Variants in MACROD2 observed in about 807,000 individuals in gnomAD.
MACROD2 encodes mono-ADP ribosylhydrolase 2, also known as ADP-ribose glycohydrolase MACROD2.
MACROD2 carries 36 observed loss-of-function variants against 70.4 expected under a neutral mutation model. The observed-to-expected ratio is 0.51, with a 90% CI of 0.39 to 0.68. MACROD2 has a LOEUF of 0.68. MACROD2 is among the 30% of genes least tolerant of loss of function. The pLI, the probability that MACROD2 is intolerant of heterozygous loss-of-function variation, is 0.00. For synonymous variants in MACROD2, 172 were observed against 178.8 expected, an observed-to-expected ratio of 0.96 and a Z score of 0.30; for missense variants, 496 against 538.4, an observed-to-expected ratio of 0.92 and a Z score of 0.78.
chr20:14,522,952 G>T (rs1032711334), intron 4 of MACROD2, among the ~76,000 whole-genome samples: 1 of 152,152 alleles, frequency 6.6e-6, no homozygotes. Flanking sequence ...AATGAATGAA[G>T]GAAGGAAATA....
At chr20:14,346,886 C>G (rs1251203058) in intron 3 of MACROD2, among the ~76,000 whole-genome samples, 2 of 152,162 alleles carry the variant, frequency 1.3e-5, no homozygotes, top group African/African-American at 4.8e-5. Context: ...TTACTATATT[C>G]TCTGTTTTTC....
rs566654005 is a variant in MACROD2, at chr20:14,596,716, G to A, written c.302-88127G>A. Among the ~76,000 whole-genome samples the A allele has an allele frequency of 1.1e-4, 17 of 152,184 alleles. No individual in the cohort carries two copies. The South Asian group carries it at 3.5e-3, about 32-fold the overall frequency. ...TCTGAAGAGCCAGTTTTGATTCCTT[G>A]ATATTACACCTGCTAGCTTGTGACT... On this transcript the variant is annotated intron_variant, in intron 4 of 17. Transcript: ENST00000684519.
intron 8 of MACROD2, among the ~76,000 whole-genome samples, chr20:15,596,066 A>C (rs2048742807): frequency 6.6e-6 from 1 of 152,262 alleles, no homozygotes; most frequent in Non-Finnish European, 1.5e-5. Flanking sequence ...TAGGAAGCTG[A>C]AGAACCATGA....
At chr20:15,286,396 A>G (rs2077491706) in intron 6 of MACROD2, among the ~76,000 whole-genome samples, 1 of 150,446 alleles carries the variant, frequency 6.6e-6, no homozygotes, top group East Asian at 1.9e-4. Context: ...GGTTTATCAT[A>G]TCATGTCTTT....
intron 8 of MACROD2, among the ~76,000 whole-genome samples, chr20:15,710,939 A>G (rs1004639585): frequency 6.6e-6 from 1 of 152,220 alleles, no homozygotes; most frequent in Non-Finnish European, 1.5e-5. Flanking sequence ...TCCTGAAGTC[A>G]TTTTATTTAT....
chr20:14,978,894 T>A (rs1460704791), intron 5 of MACROD2, among the ~76,000 whole-genome samples: 3 of 4,678 alleles, frequency 6.4e-4, no homozygotes, highest in Non-Finnish European at 1.3e-3. Flanking sequence ...AATATATATA[T>A]TATATAATAT....
In MACROD2 at chr20:15,717,485, A is replaced by G. The variant is rs559608603; in HGVS notation, c.646-145260A>G. 8.9e-4 allele frequency among the ~76,000 whole-genome samples: 135 copies of G among 152,352 alleles called. 1 individual carries two copies. The highest frequency in any genetic ancestry group is 1.6e-3 in the Non-Finnish European group (107 of 68,032). Reference sequence around the variant, plus strand: ...TAACATGATTGGGAAAATATAAAACATTAAATAGATTATGCCAGAAGTCTT... The same window carrying G: ...TAACATGATTGGGAAAATATAAAACGTTAAATAGATTATGCCAGAAGTCTT... On this transcript the variant is annotated intron_variant, in intron 8 of 17. Transcript: ENST00000684519.
intron 3 of MACROD2, among the ~76,000 whole-genome samples, chr20:14,335,942 A>T (rs1385631982): frequency 6.6e-6 from 1 of 152,180 alleles, no homozygotes; most frequent in African/African-American, 2.4e-5. Flanking sequence ...CTGGCATATT[A>T]TCATTAATAT....
intron 5 of MACROD2, among the ~76,000 whole-genome samples, chr20:14,891,141 T>A (rs1241504785): frequency 6.6e-6 from 1 of 152,108 alleles, no homozygotes; most frequent in African/African-American, 2.4e-5. Context: ...GTTGACAGTA[T>A]GATTTTAATG....
At chr20:14,820,929 G>A (rs555205229) in intron 5 of MACROD2, among the ~76,000 whole-genome samples, 6 of 152,122 alleles carry the variant, frequency 3.9e-5, no homozygotes, top group South Asian at 4.1e-4. Flanking sequence ...TGTGCGTTGC[G>A]TGGAAAGCCT....
intron 10 of MACROD2, among the ~76,000 whole-genome samples, chr20:15,894,613 C>G (rs2064941449): frequency 6.6e-6 from 1 of 152,076 alleles, no homozygotes; most frequent in African/African-American, 2.4e-5. Context: ...AGATGTGACC[C>G]CTCCTCTACA....
At chr20:14,480,628 T>C (rs2084652680) in intron 3 of MACROD2, among the ~76,000 whole-genome samples, 1 of 152,148 alleles carries the variant, frequency 6.6e-6, no homozygotes, top group Non-Finnish European at 1.5e-5. Context: ...TTAATATCAG[T>C]GCTTTTCAAT....
intron 5 of MACROD2, among the ~76,000 whole-genome samples, chr20:14,826,780 G>A (rs563523569): frequency 3.7e-4 from 56 of 152,162 alleles, no homozygotes; most frequent in African/African-American, 1.3e-3. Flanking sequence ...GTTGAAATGC[G>A]GATACACAAG....
intron 8 of MACROD2, among the ~76,000 whole-genome samples, chr20:15,548,643 C>G (rs768620350): frequency 6.6e-6 from 1 of 152,292 alleles, no homozygotes; most frequent in African/African-American, 2.4e-5. Flanking sequence ...ATCCACCCAC[C>G]TTGGCCTCCC....
At chr20:15,862,663 T>C (rs1036914486) in intron 8 of MACROD2, 82 bp from the exon 9 acceptor site, 17 of 1,107,292 alleles carry the variant, frequency 1.5e-5, no homozygotes, top group Non-Finnish European at 2.1e-5. Flanking sequence ...GCCTTTCCAT[T>C]TGTTTTTGTT....
intron 2 of MACROD2, among the ~76,000 whole-genome samples, chr20:14,062,651 G>T (rs796151182): frequency 2.6e-5 from 4 of 152,210 alleles, no homozygotes; most frequent in African/African-American, 9.6e-5. Context: ...TTATTTTACT[G>T]TTTAACTTAT....
intron 6 of MACROD2, among the ~76,000 whole-genome samples, chr20:15,299,606 C>G (rs910794820): frequency 5.9e-5 from 9 of 152,154 alleles, no homozygotes; most frequent in African/African-American, 2.2e-4. Flanking sequence ...GTTGTCTGGA[C>G]AAAGATTTAT....
In MACROD2 at chr20:15,548,126, CTATCTGGTCATTTAA is replaced by C. The variant is rs2048048836; in HGVS notation, c.645+48283_645+48297del. 2.0e-5 allele frequency among the ~76,000 whole-genome samples: 3 copies of C among 152,288 alleles called. No homozygotes were observed. The South Asian group carries it at 6.2e-4, about 32-fold the overall frequency. ...ATCCATCCACCATCCATCTGTCCAC[CTATCTGGTCATTTAA>C]TATTTCTTTTGGAAACAGTTTTGGA... On this transcript the variant is annotated intron_variant, in intron 8 of 17. Coordinates refer to ENST00000684519, the MANE Select transcript of MACROD2 (RefSeq NM_001351661.2).
intron 5 of MACROD2, chr20:14,884,463 T>G (rs1473575914): frequency 6.6e-6 from 1 of 152,148 alleles, no homozygotes; most frequent in Non-Finnish European, 1.5e-5. Context: ...GGTCATTGAT[T>G]CTTTGGATCC....
Sources: gnomAD v4.1 joint callset for allele counts (sites outside exome capture counted in the v4.1 genomes callset) on GRCh38, gnomAD v4.1.1 for gene constraint, MANE v1.5 for transcripts, NCBI Gene and HGNC (gene_info 2026-07-23, HGNC 2026-07-21) for gene names.